The following BCL2L13 variants were observed in gnomAD, a reference collection of about 807,000 sequenced individuals.
The protein encoded by BCL2L13 is bcl-2-like protein 13.
BCL2L13 carries 13 observed loss-of-function variants against 25.8 expected under a neutral mutation model. The observed-to-expected ratio is 0.50, with a 90% CI of 0.33 to 0.80. The LOEUF is 0.80. Ranked by LOEUF, BCL2L13 falls within the 30% of genes least tolerant of loss-of-function variation. The pLI, the probability that BCL2L13 is intolerant of heterozygous loss-of-function variation, is 0.02. For missense variants in BCL2L13, 504 were observed against 574.9 expected, an observed-to-expected ratio of 0.88 and a Z score of 1.26; for synonymous variants, 244 against 230.3, an observed-to-expected ratio of 1.06 and a Z score of -0.54.
intron 6 of BCL2L13, among the ~76,000 whole-genome samples, chr22:17,721,210 C>T (rs889807683): frequency 1.3e-5 from 2 of 152,064 alleles, no homozygotes; most frequent in African/African-American, 2.4e-5. Flanking sequence ...TGCCCCACGC[C>T]GCATTTCAGA....
chr22:17,717,016 C>T (rs1387807943), intron 6 of BCL2L13, among the ~76,000 whole-genome samples: 6 of 152,214 alleles, frequency 3.9e-5, no homozygotes, highest in Non-Finnish European at 7.3e-5. Context: ...TCCAGCTTTG[C>T]CTTTCTTCAC....
At chr22:17,726,210 G>T (rs1368859065) in intron 6 of BCL2L13, among the ~76,000 whole-genome samples, 1 of 152,122 alleles carries the variant, frequency 6.6e-6, no homozygotes, top group Non-Finnish European at 1.5e-5. Flanking sequence ...AGTTAACTGG[G>T]CGTGGTGGCA....
intron 2 of BCL2L13, among the ~76,000 whole-genome samples, chr22:17,672,560 C>A (rs2059447820): frequency 6.6e-6 from 1 of 152,202 alleles, no homozygotes; most frequent in South Asian, 2.1e-4. Flanking sequence ...CTGCGTAGCT[C>A]TGTGCTTTAG....
intron 1 of BCL2L13, among the ~76,000 whole-genome samples, chr22:17,647,883 C>CT (rs1174011612): frequency 1.3e-5 from 2 of 152,112 alleles, no homozygotes; most frequent in Non-Finnish European, 2.9e-5. Flanking sequence ...AATCCTAGCA[C>CT]TTTGGGAGGC....
upstream of BCL2L13, among the ~76,000 whole-genome samples, chr22:17,633,893 C>T (rs2058066444): frequency 6.6e-6 from 1 of 152,068 alleles, no homozygotes; most frequent in Non-Finnish European, 1.5e-5. Flanking sequence ...AAGCCTTCCG[C>T]TGGCTCTAGT....
chr22:17,696,052 T>C (rs1430021065), intron 4 of BCL2L13, 89 bp from the exon 5 acceptor site: 1 of 946,230 alleles, frequency 1.1e-6, no homozygotes, highest in Admixed American at 1.9e-5. Flanking sequence ...TAGCAAAAAG[T>C]TCAACAGAGT....
At position 17,638,896 on chromosome 22, in the gene BCL2L13, G is replaced by A; in HGVS notation, c.-51+10G>A. 1 of 1,232,240 alleles carries A rather than the reference G, an allele frequency of 8.1e-7. No individual in the cohort carries two copies. The highest frequency in any genetic ancestry group is 1.0e-6 in the Non-Finnish European group (1 of 988,406). 76.3% of individuals were successfully genotyped at this position (1,232,240 alleles called of 1,614,324 possible). A position where few individuals can be genotyped will look rare whatever the true frequency, so the allele number is the denominator to read the frequency against. On this transcript the variant is annotated intron_variant, in intron 1 of 6. Transcript: ENST00000317582. ...CAGGGGCCAGGGCCAGGTGAGGGGA[G>A]TGGGGTTCCGGGAAGGCTGAGCTGG...
intron 6 of BCL2L13, among the ~76,000 whole-genome samples, chr22:17,722,614 A>T (rs1159211257): frequency 2.0e-5 from 3 of 152,146 alleles, no homozygotes. Context: ...GGTTGAGTAG[A>T]TACCTGGTAG....
chr22:17,696,140 G>A lies in BCL2L13; in HGVS notation c.387-1G>A. 1 of 1,612,540 alleles carries A rather than the reference G, an allele frequency of 6.2e-7. No individual in the cohort carries two copies. The highest frequency in any genetic ancestry group is 8.5e-7 in the Non-Finnish European group (1 of 1,178,710). On this transcript the variant is annotated splice_acceptor_variant, in intron 4 of 6. Coordinates refer to ENST00000317582, the MANE Select transcript of BCL2L13 (RefSeq NM_015367.4). LOFTEE classifies it high-confidence loss of function. ...ACAGACTTTTAAAAAAATCTCTACA[G>A]GCCAGTGACATATCAGGCATTTCGG... is the stretch of plus-strand genomic sequence containing the variant.
chr22:17,677,152 C>G (rs2059597338), intron 2 of BCL2L13, among the ~76,000 whole-genome samples: 1 of 150,958 alleles, frequency 6.6e-6, no homozygotes, highest in Non-Finnish European at 1.5e-5. Context: ...AGACCCTATT[C>G]TCAAAAAATA....
intron 2 of BCL2L13, among the ~76,000 whole-genome samples, chr22:17,680,498 C>T (rs1361056918): frequency 6.4e-5 from 7 of 109,540 alleles, no homozygotes; most frequent in Non-Finnish European, 1.0e-4. Context: ...TGGGAGAGAG[C>T]GAGACTCTGT....
Position 17,696,206 on chromosome 22 carries a change from A to C in BCL2L13, c.452A>C (p.Asn151Thr), listed in dbSNP as rs1419370431. The change falls in exon 5 of 7, where the codon AAT becomes ACT. Residue 151 changes from asparagine to threonine, a missense_variant. Physicochemically the swap from Asn to Thr is moderately conservative, Grantham distance 65. Coordinates refer to ENST00000317582, the MANE Select transcript of BCL2L13 (RefSeq NM_015367.4). Reference protein sequence around the residue: ...LETTVHASGWNKILVPLVLLR... With the variant: ...LETTVHASGWTKILVPLVLLR... ...ACCACAGTTCATGCCAGCGGCTGGAATAAGGTATCATCACAATGATCTTTT... is the reference window on the plus strand; with the variant it reads ...ACCACAGTTCATGCCAGCGGCTGGACTAAGGTATCATCACAATGATCTTTT... 3 of 1,612,870 alleles carry C rather than the reference A, an allele frequency of 1.9e-6. No individual in the cohort carries two copies. The South Asian group carries it at 3.3e-5, about 18-fold the overall frequency.
chr22:17,659,158 G>A (rs2058988757), intron 2 of BCL2L13, among the ~76,000 whole-genome samples: 1 of 144,624 alleles, frequency 6.9e-6, no homozygotes, highest in Non-Finnish European at 1.6e-5. Context: ...GAGGTCAGGA[G>A]TTCAAGATCA....
chr22:17,639,069 C>A (rs532830788), intron 1 of BCL2L13, among the ~76,000 whole-genome samples, 183 bp downstream of exon 1: 1 of 152,202 alleles, frequency 6.6e-6, no homozygotes, highest in Non-Finnish European at 1.5e-5. Context: ...GCTTAGGGGT[C>A]CGCTTCACCG....
At chr22:17,638,970 C>T (rs1421166547) in intron 1 of BCL2L13, 84 bp downstream of exon 1, 9 of 1,105,376 alleles carry the variant, frequency 8.1e-6, no homozygotes, top group Non-Finnish European at 9.2e-6. Flanking sequence ...GAGACCGTAT[C>T]GAGCCACCGA....
intron 1 of BCL2L13, among the ~76,000 whole-genome samples, chr22:17,649,628 G>T (rs1281462918): frequency 1.3e-5 from 2 of 151,736 alleles, no homozygotes; most frequent in South Asian, 4.2e-4. Context: ...TCAGCCTCCT[G>T]AGTAGCTGGG....
intron 1 of BCL2L13, among the ~76,000 whole-genome samples, chr22:17,646,412 C>G (rs565097474): frequency 6.6e-6 from 1 of 151,054 alleles, no homozygotes; most frequent in Non-Finnish European, 1.5e-5. Flanking sequence ...CCACGCCAGG[C>G]TAATTTTTGT....
At position 17,685,760 on chromosome 22, in the gene BCL2L13, C is replaced by CTT. The variant is rs1166792513; in HGVS notation, c.229+2467_229+2468dup. ...TATTGCCCAATAATTTTTTCTTTTT[C>CTT]TTTTTTTTTTTTTTTTTTTTTTTTT... On this transcript the variant is annotated intron_variant, in intron 3 of 6. Transcript: ENST00000317582. Among the ~76,000 whole-genome samples, 86 of 60,556 alleles carry CTT rather than the reference C, an allele frequency of 1.4e-3. 10 individuals carry two copies. The highest frequency in any genetic ancestry group is 3.6e-3 in the African/African-American group (57 of 15,836). The allele number at this position is 60,556 out of a possible 152,430, so 39.7% of individuals were successfully genotyped here.
chr22:17,723,761 C>T (rs1368356343), intron 6 of BCL2L13, among the ~76,000 whole-genome samples: 5 of 152,018 alleles, frequency 3.3e-5, no homozygotes, highest in East Asian at 1.9e-4. Context: ...GGTGAAACCC[C>T]GTCTCTACTA....
Sources: allele counts gnomAD v4.1 joint callset (sites outside exome capture counted in the v4.1 genomes callset), GRCh38; gene constraint gnomAD v4.1.1; transcripts MANE v1.5; gene names NCBI Gene and HGNC (gene_info 2026-07-23, HGNC 2026-07-21).